SASH1: variants seen among roughly 807,000 people sequenced by gnomAD.
SASH1 encodes SAM and SH3 domain-containing protein 1.
SASH1 carries 44 observed loss-of-function variants against 125.2 expected under a neutral mutation model. The observed-to-expected ratio is 0.35, with a 90% CI of 0.28 to 0.45. The LOEUF is 0.45. Among genes scored for constraint, SASH1 ranks in the 20% least tolerant of loss-of-function variants. The pLI, the probability that SASH1 is intolerant of heterozygous loss-of-function variation, is 1.00. For missense variants in SASH1, 1,426 were observed against 1,614.5 expected, an observed-to-expected ratio of 0.88 and a Z score of 2.00; for synonymous variants, 639 against 649.1, an observed-to-expected ratio of 0.98 and a Z score of 0.24.
At chr6:148,207,377 C>T in the SASH1 span, among the ~76,000 whole-genome samples, 25 of 152,208 alleles carry the variant, frequency 1.6e-4, 1 homozygote, top group South Asian at 6.2e-4. Context: ...CCACACTGAA[C>T]GGGGCAGCTC....
intron 1 of SASH1, among the ~76,000 whole-genome samples, chr6:148,276,970 C>T (rs1269153467): frequency 6.6e-6 from 1 of 152,050 alleles, no homozygotes; most frequent in Non-Finnish European, 1.5e-5. Context: ...ACTTACATAC[C>T]ATTTACTATG....
chr6:148,519,856 G>T lies in SASH1; in HGVS notation c.1172G>T (p.Gly391Val). 1 of 1,599,828 alleles carries T rather than the reference G, an allele frequency of 6.3e-7. No individual in the cohort carries two copies. The change falls in exon 10 of 20, where the codon GGG (glycine) becomes GTG (valine). Residue 391 changes from glycine (G) to valine (V), a missense_variant. Physicochemically the swap from Gly to Val is moderately radical, Grantham distance 109. Coordinates refer to ENST00000367467, the MANE Select transcript of SASH1 (RefSeq NM_015278.5). This position sits in a 1 kb window ranked among gnomAD's most constrained non-coding sequence, Gnocchi z 4.8. ...AQKVSRSLTE[G>V]EMKKGLGSLS... Reference sequence around the variant, plus strand: ...AAAGTGTCCCGCTCCCTCACCGAGGGGGAGATGAAGAAGGGTCTCGGGTCC... The same window carrying T: ...AAAGTGTCCCGCTCCCTCACCGAGGTGGAGATGAAGAAGGGTCTCGGGTCC...
At chr6:148,355,834 T>C (rs1034624173) in intron 1 of SASH1, among the ~76,000 whole-genome samples, 23 of 152,224 alleles carry the variant, frequency 1.5e-4, no homozygotes, top group African/African-American at 5.5e-4. Context: ...CTTTTACATA[T>C]GCTGATTGGT....
intron 1 of SASH1, among the ~76,000 whole-genome samples, chr6:148,318,577 G>T (rs1402695255): frequency 6.8e-6 from 1 of 148,038 alleles, no homozygotes; most frequent in East Asian, 2.0e-4. Flanking sequence ...TTTTGAGACG[G>T]CGTCTCTTTC....
At chr6:148,415,955 AG>A (rs1475477037) in intron 2 of SASH1, among the ~76,000 whole-genome samples, 1 of 152,196 alleles carries the variant, frequency 6.6e-6, no homozygotes, top group Admixed American at 6.5e-5. Context: ...AAGCCAGAAA[AG>A]CTTTGTGTAA....
intron 1 of SASH1, among the ~76,000 whole-genome samples, chr6:148,299,577 GA>G (rs1489833235): frequency 1.3e-5 from 2 of 150,928 alleles, no homozygotes; most frequent in Admixed American, 6.6e-5. Context: ...TCAGGAAGGA[GA>G]ATCTCTTGAA....
chr6:148,333,116 G>A (rs1435562789), intron 1 of SASH1, among the ~76,000 whole-genome samples: 1 of 152,064 alleles, frequency 6.6e-6, no homozygotes. Context: ...ATAGTCTGCA[G>A]GGGCTTTCAA....
At chr6:148,229,146 A>AAC in the SASH1 span, among the ~76,000 whole-genome samples, 34 of 151,308 alleles carry the variant, frequency 2.2e-4, no homozygotes, top group African/African-American at 8.0e-4. Context: ...AAAAAAAAAA[A>AAC]AAAAAAAAAA....
At chr6:148,545,113 G>A (rs978118918) in intron 18 of SASH1, among the ~76,000 whole-genome samples, 2 of 152,136 alleles carry the variant, frequency 1.3e-5, no homozygotes, top group African/African-American at 4.8e-5. Context: ...ATTCAGATGT[G>A]ATAATTGTAT....
At chr6:148,450,371 C>T (rs1777034886) in intron 4 of SASH1, among the ~76,000 whole-genome samples, 1 of 152,156 alleles carries the variant, frequency 6.6e-6, no homozygotes, top group East Asian at 1.9e-4. Context: ...CTCATACCTC[C>T]ATATAACCCC....
chr6:148,476,113 A>G (rs1478604726), intron 7 of SASH1, among the ~76,000 whole-genome samples: 2 of 152,080 alleles, frequency 1.3e-5, no homozygotes, highest in African/African-American at 2.4e-5. Context: ...CAACACATAC[A>G]TTTCTGTGTA....
chr6:148,204,725 A>G, the SASH1 span, among the ~76,000 whole-genome samples: 3 of 152,202 alleles, frequency 2.0e-5, no homozygotes, highest in East Asian at 5.8e-4. Flanking sequence ...AAAACTGTTT[A>G]TGCTGATTCT....
chr6:148,540,427 G>T lies in SASH1; in HGVS notation c.2096-16G>T, dbSNP rs560004050. On this transcript the variant is annotated splice_polypyrimidine_tract_variant and intron_variant, in intron 16 of 19. Coordinates refer to ENST00000367467, the MANE Select transcript of SASH1 (RefSeq NM_015278.5). Reference sequence around the variant, plus strand: ...TCACTCACCTTGTTGATTTCATGCCGTGTTCTCTCCTCTAGGTAACAGCGA... The same window carrying T: ...TCACTCACCTTGTTGATTTCATGCCTTGTTCTCTCCTCTAGGTAACAGCGA... 2 of 1,602,482 alleles carry T rather than the reference G, an allele frequency of 1.2e-6. No homozygotes were observed. The highest frequency in any genetic ancestry group is 2.2e-5 in the South Asian group (2 of 90,586).
At chr6:148,295,764 A>T (rs1779747785) in intron 1 of SASH1, among the ~76,000 whole-genome samples, 1 of 152,202 alleles carries the variant, frequency 6.6e-6, no homozygotes, top group Non-Finnish European at 1.5e-5. Context: ...TGTTCCTGCC[A>T]TGCCTCTCTC....
rs1410984482 is a variant in SASH1, at chr6:148,527,521, GA to G, written c.1358del (p.Lys453ArgfsTer2). 4.3e-6 allele frequency: 7 copies of G among 1,609,662 alleles called. No individual in the cohort carries two copies. Among genetic ancestry groups the G allele is most frequent in the East Asian group, 2.2e-5 (1 of 44,558 alleles). ...SPTASRISLG[K>X]KVKSVKETMR... is the part of the protein sequence containing the mutation. ...CTACTGCCTCTCGCATCTCTCTTGG[GA>G]AAAAGGTGAAATCAGTGAAAGAGAC... On this transcript the variant is annotated frameshift_variant, in exon 12 of 20. Coordinates refer to ENST00000367467, the MANE Select transcript of SASH1 (RefSeq NM_015278.5). LOFTEE classifies it high-confidence loss of function.
At position 148,534,423 on chromosome 6, in the gene SASH1, A is replaced by G. The variant is rs562213889; in HGVS notation, c.1945-328A>G. 5.9e-5 allele frequency among the ~76,000 whole-genome samples: 9 copies of G among 152,292 alleles called. No individual in the cohort carries two copies. In the East Asian group the frequency reaches 1.7e-3, roughly 29 times the overall value. On this transcript the variant is annotated intron_variant, in intron 15 of 19. Transcript: ENST00000367467. ...AAAAGCTGGATTTTAATAGCTCTGT[A>G]AGTGGAGGAGGAGTCTCCTCTGTTG...
rs765960833 is a variant in SASH1, at chr6:148,519,859, A to G, written c.1175A>G (p.Glu392Gly). The G allele has an allele frequency of 6.3e-7, 1 of 1,597,668 alleles. No individual in the cohort carries two copies. Among genetic ancestry groups the G allele is most frequent in the South Asian group, 1.1e-5 (1 of 89,134 alleles). Reference sequence around the variant, plus strand: ...GTGTCCCGCTCCCTCACCGAGGGGGAGATGAAGAAGGGTCTCGGGTCCCTA... The same window carrying G: ...GTGTCCCGCTCCCTCACCGAGGGGGGGATGAAGAAGGGTCTCGGGTCCCTA... ...QKVSRSLTEG[E>G]MKKGLGSLSH... is the part of the protein sequence containing the mutation. The change falls in exon 10 of 20, where the codon GAG becomes GGG. Residue 392 changes from glutamate (E) to glycine (G), a missense_variant. Physicochemically the swap from Glu to Gly is moderately conservative, Grantham distance 98. Coordinates refer to ENST00000367467, the MANE Select transcript of SASH1 (RefSeq NM_015278.5). The surrounding 1 kb of genome is among the most constrained non-coding windows in gnomAD (Gnocchi z 4.8).
chr6:148,270,011 C>T (rs568403655), upstream of SASH1, among the ~76,000 whole-genome samples: 1 of 148,472 alleles, frequency 6.7e-6, no homozygotes, highest in Non-Finnish European at 1.5e-5. Flanking sequence ...CACCATAGAC[C>T]GATATACACT....
At chr6:148,459,289 A>C (rs1031825691) in intron 4 of SASH1, among the ~76,000 whole-genome samples, 148 of 152,140 alleles carry the variant, frequency 9.7e-4, no homozygotes, top group African/African-American at 3.5e-3. Flanking sequence ...GGATGACTGA[A>C]TCCCATCCCA....
Sources: allele counts gnomAD v4.1 joint callset (sites outside exome capture counted in the v4.1 genomes callset), GRCh38; gene constraint gnomAD v4.1.1; non-coding constraint Gnocchi (gnomAD v3.1); transcripts MANE v1.5; gene names NCBI Gene and HGNC (gene_info 2026-07-23, HGNC 2026-07-21).